N4BP2L2: variants seen among roughly 807,000 people sequenced by gnomAD.
N4BP2L2 encodes the protein NEDD4 binding protein 2 like 2, also known as NEDD4-binding protein 2-like 2.
In N4BP2L2, 50 loss-of-function variants were observed where a neutral mutation model predicts 56.2. The observed-to-expected ratio is 0.89, with a 90% CI of 0.71 to 1.13. The LOEUF (loss-of-function observed/expected upper bound fraction) is 1.13, where lower values mean the gene tolerates loss of function less well. Among genes scored for constraint, N4BP2L2 ranks in the 50% most tolerant of loss-of-function variants. The pLI, the probability that N4BP2L2 is intolerant of heterozygous loss-of-function variation, is 0.00. For synonymous variants in N4BP2L2, 203 were observed against 223.6 expected, an observed-to-expected ratio of 0.91 and a Z score of 0.82; for missense variants, 689 against 693.8, an observed-to-expected ratio of 0.99 and a Z score of 0.08.
chr13:32,481,054 G>A (rs1276010192), intron 6 of N4BP2L2, among the ~76,000 whole-genome samples: 1 of 131,916 alleles, frequency 7.6e-6, no homozygotes, highest in African/African-American at 2.9e-5. Flanking sequence ...AGGAGGCAAA[G>A]GTTGCAGCGA....
At chr13:32,476,989 G>C (rs1244540481) in intron 6 of N4BP2L2, among the ~76,000 whole-genome samples, 1 of 152,154 alleles carries the variant, frequency 6.6e-6, no homozygotes, top group East Asian at 1.9e-4. Context: ...CTACTTGAAG[G>C]AAATTTCTGC....
At chr13:32,453,768 A>G (rs2138539913) in intron 6 of N4BP2L2, among the ~76,000 whole-genome samples, 1 of 152,368 alleles carries the variant, frequency 6.6e-6, no homozygotes, top group East Asian at 1.9e-4. Context: ...GGTGGCAGAA[A>G]GGACCTTCTT....
intron 6 of N4BP2L2, among the ~76,000 whole-genome samples, chr13:32,485,145 TTTTG>T (rs566304451): frequency 3.9e-5 from 6 of 152,246 alleles, no homozygotes; most frequent in Admixed American, 2.0e-4. Flanking sequence ...TTCCTTGTTA[TTTTG>T]TTTGTTACTG....
intron 3 of N4BP2L2, chr13:32,523,373 A>G (rs2051574593): frequency 7.4e-6 from 1 of 135,718 alleles, no homozygotes; most frequent in Admixed American, 7.7e-5. Context: ...GCCTGAGCAA[A>G]GAGTGAGACT....
At chr13:32,466,591 T>C (rs1413357376) in intron 6 of N4BP2L2, among the ~76,000 whole-genome samples, 3 of 151,950 alleles carry the variant, frequency 2.0e-5, no homozygotes, top group Non-Finnish European at 2.9e-5. Flanking sequence ...CACACCATGA[T>C]TGAGTTTATA....
exon 2 of N4BP2L2, chr13:32,536,798 T>G: frequency 2.5e-6 from 4 of 1,614,112 alleles, no homozygotes; most frequent in Non-Finnish European, 3.4e-6. Flanking sequence ...TCTATGCAAA[T>G]CTGTAGTTTT....
At chr13:32,520,358 A>AG (rs2050482981) in intron 5 of N4BP2L2, among the ~76,000 whole-genome samples, 1 of 75,236 alleles carries the variant, frequency 1.3e-5, no homozygotes. Context: ...GATAAAAGTT[A>AG]AAAAAAAAAA....
exon 6 of N4BP2L2, chr13:32,517,385 C>T (rs1449388897): frequency 5.0e-6 from 5 of 992,660 alleles, no homozygotes; most frequent in Non-Finnish European, 4.8e-6. Context: ...TACCCTATAC[C>T]AAGTCAGTAT....
chr13:32,446,383 G>A (rs1198065394), intron 6 of N4BP2L2: 2 of 1,365,266 alleles, frequency 1.5e-6, no homozygotes, highest in Admixed American at 1.9e-5. Flanking sequence ...AGTCCTAGTT[G>A]CAGTCCAAGG....
intron 6 of N4BP2L2, among the ~76,000 whole-genome samples, chr13:32,496,587 GT>G (rs2088709180): frequency 6.6e-6 from 1 of 152,176 alleles, no homozygotes; most frequent in African/African-American, 2.4e-5. Context: ...CCTTTGACAT[GT>G]TTTCCATGTA....
intron 6 of N4BP2L2, among the ~76,000 whole-genome samples, chr13:32,495,863 C>G (rs1265306499): frequency 1.3e-5 from 2 of 152,110 alleles, no homozygotes; most frequent in African/African-American, 4.8e-5. Flanking sequence ...TTTGTATTTT[C>G]AGTAGAGATG....
intron 6 of N4BP2L2, among the ~76,000 whole-genome samples, chr13:32,449,313 G>A (rs1047881134): frequency 3.9e-5 from 6 of 152,122 alleles, no homozygotes; most frequent in Non-Finnish European, 7.4e-5. Context: ...TGTTAAATAG[G>A]CAGCATAACT....
At chr13:32,459,457 C>T (rs1297266176) in intron 6 of N4BP2L2, among the ~76,000 whole-genome samples, 1 of 151,672 alleles carries the variant, frequency 6.6e-6, no homozygotes, top group African/African-American at 2.4e-5. Flanking sequence ...AACAATGATA[C>T]CACCAGAAAT....
chr13:32,538,847 T>C, upstream of N4BP2L2: 3 of 985,460 alleles, frequency 3.0e-6, no homozygotes, highest in Non-Finnish European at 3.6e-6. Flanking sequence ...CCAGGCATTG[T>C]GGGAATTGAA....
intron 8 of N4BP2L2, chr13:32,436,555 C>T (rs376178643): frequency 1.2e-5 from 4 of 346,290 alleles, no homozygotes; most frequent in East Asian, 6.1e-5. Flanking sequence ...TTTGGGAGGC[C>T]GAGGTGGGTG....
intron 6 of N4BP2L2, among the ~76,000 whole-genome samples, chr13:32,445,190 G>A (rs572062029): frequency 6.6e-6 from 1 of 152,340 alleles, no homozygotes; most frequent in East Asian, 1.9e-4. Flanking sequence ...GGCACAGGAT[G>A]CAGTGAGCCA....
chr13:32,507,066 G>A (rs778823350), downstream of N4BP2L2: 2 of 152,122 alleles, frequency 1.3e-5, no homozygotes, highest in Non-Finnish European at 2.9e-5. Flanking sequence ...TAAAATGTAG[G>A]AACAGATTCA....
intron 5 of N4BP2L2, among the ~76,000 whole-genome samples, chr13:32,518,703 G>A (rs2049901120): frequency 6.6e-6 from 1 of 152,134 alleles, no homozygotes; most frequent in Non-Finnish European, 1.5e-5. Context: ...GCTACCTTTA[G>A]AGAATAAAAG....
chr13:32,446,594 G>A, intron 6 of N4BP2L2: 1 of 1,177,464 alleles, frequency 8.5e-7, no homozygotes, highest in Non-Finnish European at 1.1e-6. Context: ...TGGTGATTCT[G>A]TGGAGTTTAA....
Sources: gnomAD v4.1 joint callset for allele counts (sites outside exome capture counted in the v4.1 genomes callset) on GRCh38, gnomAD v4.1.1 for gene constraint, MANE v1.5 for transcripts, NCBI Gene and HGNC (gene_info 2026-07-23, HGNC 2026-07-21) for gene names.